The following SYN1 variants were observed in gnomAD, a reference collection of about 807,000 sequenced individuals.
The protein encoded by SYN1 is synapsin-1.
A neutral mutation model predicts 44.6 loss-of-function variants in SYN1; 8 were observed. The observed-to-expected ratio is 0.18, with a 90% CI of 0.11 to 0.32. The LOEUF is 0.32. Among genes scored for constraint, SYN1 ranks in the 10% least tolerant of loss-of-function variants. The pLI, the probability that SYN1 is intolerant of heterozygous loss-of-function variation, is 1.00. For synonymous variants in SYN1, 275 were observed against 280.1 expected, an observed-to-expected ratio of 0.98 and a Z score of 0.18; for missense variants, 451 against 639.4, an observed-to-expected ratio of 0.71 and a Z score of 3.18.
At chrX:47,602,125 T>C (rs1452984140) in intron 5 of SYN1, among the ~76,000 whole-genome samples, 1 of 112,291 alleles carries the variant, frequency 8.9e-6, no homozygotes, top group Non-Finnish European at 1.9e-5. Flanking sequence ...CTAAGTAATT[T>C]CATTCTCACA....
chrX:47,588,967 C>T (rs1043980283), intron 5 of SYN1, among the ~76,000 whole-genome samples: 2 of 111,018 alleles, frequency 1.8e-5, no homozygotes, highest in East Asian at 2.8e-4. Context: ...AGGATGTTTA[C>T]GGGGTGTCTT....
chrX:47,604,965 T>C lies in SYN1; in HGVS notation c.774+13A>G. On this transcript the variant is annotated intron_variant, in intron 5 of 12. Coordinates refer to ENST00000295987, the MANE Select transcript of SYN1 (RefSeq NM_006950.3). ...CTCTTCCCTCCTGCCCACTCTATTTTCCCCAAACTCACCATTTCTTTGTGA... is the reference window on the plus strand; with the variant it reads ...CTCTTCCCTCCTGCCCACTCTATTTCCCCCAAACTCACCATTTCTTTGTGA... 1 of 1,196,881 alleles carries C rather than the reference T, an allele frequency of 8.4e-7. No individual in the cohort carries two copies. Among genetic ancestry groups the C allele is most frequent in the Non-Finnish European group, 1.1e-6 (1 of 882,058 alleles).
At chrX:47,601,473 C>T (rs1314412225) in intron 5 of SYN1, among the ~76,000 whole-genome samples, 1 of 111,925 alleles carries the variant, frequency 8.9e-6, no homozygotes, top group African/African-American at 3.2e-5. Flanking sequence ...AGAATTAATA[C>T]CGACCAGGCA....
intron 5 of SYN1, among the ~76,000 whole-genome samples, chrX:47,602,246 G>A (rs1247181676): frequency 8.9e-6 from 1 of 112,122 alleles, no homozygotes; most frequent in African/African-American, 3.2e-5. Context: ...AAGTTGTGGA[G>A]GTAAGATTCT....
At position 47,619,790 on chromosome X, in the gene SYN1, G is replaced by A. The variant is rs2057942766; in HGVS notation, c.-62C>T. 3 of 1,100,519 alleles carry A rather than the reference G, an allele frequency of 2.7e-6. No individual in the cohort carries two copies. Among genetic ancestry groups the A allele is most frequent in the African/African-American group, 1.8e-5 (1 of 54,212 alleles). The allele number at this position is 1,100,519 out of a possible 1,213,427, so 90.7% of individuals were successfully genotyped here. A position where few individuals can be genotyped will look rare whatever the true frequency, so the allele number is the denominator to read the frequency against. ...TGGCCAGGAGCCGCGGGGGCGGACT[G>A]CGCGGTGCCCAGGAGCACAGCTGCG... On this transcript the variant is annotated 5_prime_UTR_variant, in exon 1 of 13. Coordinates refer to ENST00000295987, the MANE Select transcript of SYN1 (RefSeq NM_006950.3).
intron 1 of SYN1, among the ~76,000 whole-genome samples, chrX:47,610,569 A>T (rs1223960778): frequency 9.1e-6 from 1 of 109,316 alleles, no homozygotes; most frequent in African/African-American, 3.3e-5. Flanking sequence ...TGATCTGTAG[A>T]AGAACCTAAA....
At chrX:47,608,265 AGGAAGGAAGGAAGGAAGGAAGGAAGG>A (rs766090740) in intron 1 of SYN1, among the ~76,000 whole-genome samples, 9,197 of 23,316 alleles carry the variant, frequency 0.39, 678 homozygotes, top group Middle Eastern at 0.67. Context: ...GAAGGAAGGA[AGGAAGGAAGGAAGGAAGGAAGGAAGG>A]GGAAGGAAGG....
In SYN1 at chrX:47,574,119, C is replaced by A; in HGVS notation, c.1865G>T (p.Arg622Leu). The A allele has an allele frequency of 9.0e-7, 1 of 1,105,571 alleles. No individual in the cohort carries two copies. The highest frequency in any genetic ancestry group is 3.7e-5 in the East Asian group (1 of 27,327). The allele number at this position is 1,105,571 out of a possible 1,213,427, so 91.1% of individuals were successfully genotyped here. A position where few individuals can be genotyped will look rare whatever the true frequency, so the allele number is the denominator to read the frequency against. ...RTGPPTTQQP[R>L]PSGPGPAGRP... ...TCCAGCGGGGCCCGGGCCGCTGGGC[C>A]GAGGCTGCTGCGTGGTGGGTGGCCC... Residue 622 changes from arginine (R) to leucine (L), a missense_variant, in exon 12 of 13, where the codon CGG (arginine) becomes CTG (leucine). Transcript: ENST00000295987.
intron 1 of SYN1, 44 bp downstream of exon 1, chrX:47,619,308 C>A: frequency 8.3e-7 from 1 of 1,198,167 alleles, no homozygotes; most frequent in South Asian, 1.8e-5. Context: ...GAAGAACGAT[C>A]TGGGGACCCA....
At chrX:47,605,433 T>G (rs745727358) in intron 3 of SYN1, 54 bp from the exon 4 acceptor site, 301 of 1,185,861 alleles carry the variant, frequency 2.5e-4, no homozygotes, top group Non-Finnish European at 3.4e-4. Flanking sequence ...TCCCAATCAC[T>G]CTCGAAACAA....
chrX:47,584,857 T>C (rs28764017), intron 5 of SYN1: 6,675 of 630,095 alleles, frequency 0.011, 25 homozygotes, highest in Non-Finnish European at 0.013. Flanking sequence ...TTTGCTGGTA[T>C]GATGATGATG....
chrX:47,598,311 C>A (rs1224517620), intron 5 of SYN1, among the ~76,000 whole-genome samples: 1 of 110,758 alleles, frequency 9.0e-6, no homozygotes, highest in Non-Finnish European at 1.9e-5. Flanking sequence ...GAGGCAATTT[C>A]TTTGTATTAC....
chrX:47,602,557 G>T (rs780537136), intron 5 of SYN1, among the ~76,000 whole-genome samples: 10 of 110,445 alleles, frequency 9.1e-5, no homozygotes, highest in African/African-American at 3.3e-4. Flanking sequence ...CAGGAGATTC[G>T]CTTGAACCCA....
At chrX:47,602,633 T>A (rs1639407495) in intron 5 of SYN1, among the ~76,000 whole-genome samples, 1 of 108,108 alleles carries the variant, frequency 9.3e-6, no homozygotes, top group South Asian at 4.0e-4. Flanking sequence ...AGAGCGAGAC[T>A]CCTCCTCAAA....
intron 5 of SYN1, among the ~76,000 whole-genome samples, chrX:47,594,915 C>T (rs1411572548): frequency 1.8e-5 from 2 of 110,414 alleles, no homozygotes; most frequent in Admixed American, 9.6e-5. Context: ...TTAGTAGGTA[C>T]GGGGTTTCTC....
intron 5 of SYN1, chrX:47,604,751 A>G (rs1219253649): frequency 4.7e-6 from 2 of 421,667 alleles, no homozygotes; most frequent in Non-Finnish European, 8.3e-6. Flanking sequence ...AAAAATAGAC[A>G]ACATGAGTAA....
intron 5 of SYN1, among the ~76,000 whole-genome samples, chrX:47,600,882 G>A (rs2057877748): frequency 8.9e-6 from 1 of 111,873 alleles, no homozygotes; most frequent in African/African-American, 3.2e-5. Context: ...TGCAGTTAAA[G>A]TGGTGCTTAA....
chrX:47,595,298 TAG>T (rs2057860849), intron 5 of SYN1, among the ~76,000 whole-genome samples: 2 of 112,152 alleles, frequency 1.8e-5, no homozygotes, highest in Non-Finnish European at 1.9e-5. Flanking sequence ...TGAGCCACAC[TAG>T]CAAACTAATT....
Position 47,619,619 on chromosome X carries a change from G to A in SYN1, c.110C>T (p.Ala37Val). Reference sequence around the variant, plus strand: ...ACCGGGCGTGGCTCCGGGGCTGTGGGCACCGGGCGGCGGTGGGGGCGGCTG... The same window carrying A: ...ACCGGGCGTGGCTCCGGGGCTGTGGACACCGGGCGGCGGTGGGGGCGGCTG... ...RPQPPPPPPGAHSPGATPGPG... is the reference protein window; with the variant it reads ...RPQPPPPPPGVHSPGATPGPG... The change falls in exon 1 of 13, where the codon GCC becomes GTC. Residue 37 changes from alanine to valine, a missense_variant. Ala to Val is a moderately conservative substitution (Grantham distance 64). Around this residue, in one of 3 missense-constraint regions of SYN1, gnomAD observed 315 missense variants for 451.4 expected, o/e 0.70. Transcript: ENST00000295987. 8.6e-7 allele frequency: 1 copy of A among 1,159,906 alleles called. No individual in the cohort carries two copies. The highest frequency in any genetic ancestry group is 1.2e-6 in the Non-Finnish European group (1 of 868,892).
Sources: allele counts gnomAD v4.1 joint callset (sites outside exome capture counted in the v4.1 genomes callset), GRCh38; gene constraint gnomAD v4.1.1; regional missense constraint gnomAD v4.1.1; transcripts MANE v1.5; gene names NCBI Gene and HGNC (gene_info 2026-07-23, HGNC 2026-07-21).